The following PPP1R8 variants were observed in gnomAD, a reference collection of about 807,000 sequenced individuals.
The protein encoded by PPP1R8 is nuclear inhibitor of protein phosphatase 1.
Under a neutral mutation model 31.3 loss-of-function variants are expected in PPP1R8, and 4 were observed. The observed-to-expected ratio is 0.13, with a 90% CI of 0.06 to 0.29. PPP1R8 has a LOEUF of 0.29. PPP1R8 is among the 10% of genes least tolerant of loss of function. The probability of loss-of-function intolerance (pLI) is 1.00; values close to 1 mark genes in which losing one functional copy is unlikely to be tolerated. For synonymous variants in PPP1R8, 170 were observed against 169.7 expected (o/e 1.00, Z -0.01); for missense variants, 254 against 440.1 (o/e 0.58, Z 3.78).
Position 27,830,999 on chromosome 1 carries a change from C to G in PPP1R8, c.56+108C>G, listed in dbSNP as rs761286448. ...GCTGCGAGCCGAACGGCTCAGAAAC[C>G]CCGGAATGGTTGAGGAAAAACTGTT... On this transcript the variant is annotated intron_variant, in intron 1 of 6. Coordinates refer to ENST00000311772, the MANE Select transcript of PPP1R8 (RefSeq NM_014110.5). 8.4e-6 allele frequency: 12 copies of G among 1,434,960 alleles called. No individual in the cohort carries two copies. In the African/African-American group the frequency reaches 1.5e-4, roughly 18 times the overall value. The allele number at this position is 1,434,960 out of a possible 1,614,324, so 88.9% of individuals were successfully genotyped here. A position where few individuals can be genotyped will look rare whatever the true frequency, so the allele number is the denominator to read the frequency against.
At position 27,851,631 on chromosome 1, in the gene PPP1R8, A is replaced by G. The variant is rs764951695; in HGVS notation, c.*1185A>G. On this transcript the variant is annotated 3_prime_UTR_variant, in exon 7 of 7. Transcript: ENST00000311772. ...CACTGGGCTTGGGAGGCAATGCTCC[A>G]TCCCCATTATATTACAAATAAAGAT... The G allele has an allele frequency of 1.0e-5, 5 of 496,248 alleles. No individual in the cohort carries two copies. Among genetic ancestry groups the G allele is most frequent in the Non-Finnish European group, 2.0e-5 (5 of 247,850 alleles). The allele number at this position is 496,248 out of a possible 1,614,324, so 30.7% of individuals were successfully genotyped here.
chr1:27,845,441 A>T (rs536516193), intron 5 of PPP1R8, among the ~76,000 whole-genome samples: 1 of 151,806 alleles, frequency 6.6e-6, no homozygotes, highest in Non-Finnish European at 1.5e-5. Flanking sequence ...TTCTTAGGGA[A>T]ATGTGTTCAG....
chr1:27,837,977 C>T (rs1300911572), intron 2 of PPP1R8, among the ~76,000 whole-genome samples: 4 of 151,226 alleles, frequency 2.6e-5, no homozygotes, highest in African/African-American at 4.9e-5. Context: ...TTTGGGAGGC[C>T]GAGATGGGCG....
At chr1:27,843,391 T>C in intron 5 of PPP1R8, 61 bp downstream of exon 5, 1 of 1,601,908 alleles carries the variant, frequency 6.2e-7, no homozygotes, top group Non-Finnish European at 8.5e-7. Flanking sequence ...GCGCGGTGGC[T>C]CACGCCTGTA....
At position 27,849,979 on chromosome 1, in the gene PPP1R8, A is replaced by G. The variant is rs138738235; in HGVS notation, c.703-114A>G. Reference sequence around the variant, plus strand: ...AAGGAGAACAGGCTAGAAGTTAGGAATCTTTCCCAAAAGCCATTTTTTTAA... The same window carrying G: ...AAGGAGAACAGGCTAGAAGTTAGGAGTCTTTCCCAAAAGCCATTTTTTTAA... On this transcript the variant is annotated intron_variant, in intron 6 of 6. Coordinates refer to ENST00000311772, the MANE Select transcript of PPP1R8 (RefSeq NM_014110.5). The G allele has an allele frequency of 4.8e-5, 46 of 950,894 alleles. No individual in the cohort carries two copies. In the African/African-American group the frequency reaches 6.9e-4, roughly 14 times the overall value. The allele number at this position is 950,894 out of a possible 1,614,324, so 58.9% of individuals were successfully genotyped here. A position where few individuals can be genotyped will look rare whatever the true frequency, so the allele number is the denominator to read the frequency against.
intron 6 of PPP1R8, among the ~76,000 whole-genome samples, chr1:27,847,657 G>A (rs999152764): frequency 6.6e-6 from 1 of 152,130 alleles, no homozygotes; most frequent in Non-Finnish European, 1.5e-5. Context: ...CTGGAACCGG[G>A]GAGGTGGAAG....
chr1:27,846,085 C>T (rs759939753), intron 5 of PPP1R8, among the ~76,000 whole-genome samples: 10 of 152,088 alleles, frequency 6.6e-5, no homozygotes, highest in Non-Finnish European at 1.3e-4. Flanking sequence ...CCACCGCACC[C>T]GGCCAGGAGT....
chr1:27,837,549 G>C (rs944160139), intron 2 of PPP1R8, among the ~76,000 whole-genome samples: 3 of 151,608 alleles, frequency 2.0e-5, no homozygotes, highest in Non-Finnish European at 4.4e-5. Flanking sequence ...GGGAGGCTGA[G>C]GAGGGCAGAT....
intron 1 of PPP1R8, among the ~76,000 whole-genome samples, chr1:27,832,190 T>C (rs1413254355): frequency 6.6e-6 from 1 of 152,208 alleles, no homozygotes; most frequent in Non-Finnish European, 1.5e-5. Context: ...CCCCTAATCA[T>C]GCTGTTGTAG....
intron 2 of PPP1R8, among the ~76,000 whole-genome samples, chr1:27,836,727 T>C (rs1350973899): frequency 6.6e-6 from 1 of 152,064 alleles, no homozygotes; most frequent in Non-Finnish European, 1.5e-5. Context: ...CAGCAAGTTT[T>C]TTATAAAGCT....
Position 27,832,768 on chromosome 1 carries a change from C to G in PPP1R8, c.69C>G (p.Pro23=), listed in dbSNP as rs1158036078. ...TTTTATTTTTCAGGGCAGGTAAGCCCCCTCCCGGTTTACATCTGGATGTAG... is the reference window on the plus strand; with the variant it reads ...TTTTATTTTTCAGGGCAGGTAAGCCGCCTCCCGGTTTACATCTGGATGTAG... ...LFDCPTWAGK[P]PPGLHLDVVK... is the part of the protein sequence containing the mutation. Residue 23 remains proline, a synonymous_variant, in exon 2 of 7, where the codon CCC becomes CCG. Coordinates refer to ENST00000311772, the MANE Select transcript of PPP1R8 (RefSeq NM_014110.5). 1 of 1,610,278 alleles carries G rather than the reference C, an allele frequency of 6.2e-7. No individual in the cohort carries two copies. The highest frequency in any genetic ancestry group is 2.2e-5 in the East Asian group (1 of 44,734).
At chr1:27,846,351 C>A (rs1173606058) in intron 5 of PPP1R8, among the ~76,000 whole-genome samples, 1 of 152,206 alleles carries the variant, frequency 6.6e-6, no homozygotes, top group African/African-American at 2.4e-5. Context: ...TCTTGAAGCA[C>A]CTCTGTGTTG....
Position 27,850,462 on chromosome 1 carries a change from A to T in PPP1R8, c.*16A>T. On this transcript the variant is annotated 3_prime_UTR_variant, in exon 7 of 7. Transcript: ENST00000311772. ...GCTGATTTGATATTTTTGGTCATGG[A>T]GAAGGGTGGGATTGGGTGGGAATGG... 3 of 511,282 alleles carry T rather than the reference A, an allele frequency of 5.9e-6. No individual in the cohort carries two copies. Among genetic ancestry groups the T allele is most frequent in the Non-Finnish European group, 1.2e-5 (3 of 256,656 alleles). 31.7% of individuals were successfully genotyped at this position (511,282 alleles called of 1,614,324 possible).
rs1484314148 is a variant in PPP1R8, at chr1:27,843,299, A to G, written c.606A>G (p.Thr202=). ...PKRKRKNSRV[T]FSEDDEIINP... ...GGAAGAGGAAGAACTCACGGGTGACATTCAGTGAGGATGATGAGATCATCA... is the reference window on the plus strand; with the variant it reads ...GGAAGAGGAAGAACTCACGGGTGACGTTCAGTGAGGATGATGAGATCATCA... Residue 202 remains threonine (T), a synonymous_variant, in exon 5 of 7, where the codon ACA becomes ACG. Transcript: ENST00000311772. The G allele has an allele frequency of 3.1e-6, 5 of 1,614,198 alleles. No individual in the cohort carries two copies. In the South Asian group the frequency reaches 5.5e-5, roughly 18 times the overall value.
intron 5 of PPP1R8, among the ~76,000 whole-genome samples, chr1:27,846,486 C>G (rs1388648598): frequency 6.6e-6 from 1 of 152,240 alleles, no homozygotes; most frequent in Admixed American, 6.5e-5. Context: ...TCAGGCCGTT[C>G]AAGTCAAAAG....
intron 2 of PPP1R8, among the ~76,000 whole-genome samples, chr1:27,835,725 A>G (rs1210986340): frequency 6.6e-6 from 1 of 152,264 alleles, no homozygotes; most frequent in East Asian, 1.9e-4. Flanking sequence ...TGAAGAAAAT[A>G]TATAATGTGG....
chr1:27,835,183 T>C (rs541570394), intron 2 of PPP1R8, among the ~76,000 whole-genome samples: 1 of 152,236 alleles, frequency 6.6e-6, no homozygotes, highest in East Asian at 1.9e-4. Context: ...GTCATTGTTA[T>C]TTTAGAACCC....
At chr1:27,840,477 TCAGC>T (rs2089212244) in intron 3 of PPP1R8, among the ~76,000 whole-genome samples, 1 of 152,244 alleles carries the variant, frequency 6.6e-6, no homozygotes, top group African/African-American at 2.4e-5. Context: ...TGCACCTGTT[TCAGC>T]CAAGCTCTTT....
rs1170876733 is a variant in PPP1R8, at chr1:27,831,347, C to T, written c.56+456C>T. 5 of 990,452 alleles carry T rather than the reference C, an allele frequency of 5.0e-6. No individual in the cohort carries two copies. The African/African-American group carries it at 5.2e-5, about 10-fold the overall frequency. The allele number at this position is 990,452 out of a possible 1,614,324, so 61.4% of individuals were successfully genotyped here. Reference sequence around the variant, plus strand: ...CATCCCTCGTGCGGCACTTGTCTGTCTGCCACAGAGAATACGAGGGTAGGT... The same window carrying T: ...CATCCCTCGTGCGGCACTTGTCTGTTTGCCACAGAGAATACGAGGGTAGGT... On this transcript the variant is annotated intron_variant, in intron 1 of 6. Coordinates refer to ENST00000311772, the MANE Select transcript of PPP1R8 (RefSeq NM_014110.5).
Sources: gnomAD v4.1 joint callset for allele counts (sites outside exome capture counted in the v4.1 genomes callset) on GRCh38, gnomAD v4.1.1 for gene constraint, MANE v1.5 for transcripts, NCBI Gene and HGNC (gene_info 2026-07-23, HGNC 2026-07-21) for gene names.